The following CSMD1 variants were observed in gnomAD, a reference collection of about 807,000 sequenced individuals.
CSMD1 encodes the protein CUB and sushi domain-containing protein 1.
Under a neutral mutation model 417.5 loss-of-function variants are expected in CSMD1, and 213 were observed. The ratio of observed to expected loss-of-function variants is 0.51; its 90% CI spans 0.46 to 0.57. The LOEUF is 0.57. Among genes scored for constraint, CSMD1 ranks in the 20% least tolerant of loss-of-function variants. The probability of loss-of-function intolerance (pLI) is 0.00; values close to 1 mark genes in which losing one functional copy is unlikely to be tolerated. For missense variants in CSMD1, 6,923 were observed against 4,529.7 expected, an observed-to-expected ratio of 1.53 and a Z score of -15.17; for synonymous variants, 2,862 against 1,736.8, an observed-to-expected ratio of 1.65 and a Z score of -16.11.
chr8:3,582,776 G>A (rs938943288), intron 9 of CSMD1, among the ~76,000 whole-genome samples: 1 of 151,962 alleles, frequency 6.6e-6, no homozygotes, highest in Non-Finnish European at 1.5e-5. Flanking sequence ...GGAGTATTTG[G>A]GTTAAATAAA....
At position 4,881,423 on chromosome 8, in the gene CSMD1, C is replaced by A. The variant is rs1009284767; in HGVS notation, c.85+112909G>T. ...ATACCTAGTATACATATCTATCTAT[C>A]TATCTATCTATCTATCTATCTATCT... On this transcript the variant is annotated intron_variant, in intron 1 of 69. Transcript: ENST00000635120. Among the ~76,000 whole-genome samples the A allele has an allele frequency of 1.1e-4, 5 of 44,340 alleles. No individual in the cohort carries two copies. In the Admixed American group the frequency reaches 1.6e-3, roughly 15 times the overall value. 29.1% of individuals were successfully genotyped at this position (44,340 alleles called of 152,430 possible).
intron 7 of CSMD1, among the ~76,000 whole-genome samples, chr8:3,706,116 C>T (rs1460603452): frequency 6.6e-6 from 1 of 152,242 alleles, no homozygotes; most frequent in Non-Finnish European, 1.5e-5. Context: ...ACCGTTCGCC[C>T]CGTGTGGTTC....
chr8:2,986,343 T>C (rs1212619678), intron 54 of CSMD1, among the ~76,000 whole-genome samples: 1 of 152,118 alleles, frequency 6.6e-6, no homozygotes. Context: ...AGAAAACTGC[T>C]GTTCTCCCAG....
intron 12 of CSMD1, among the ~76,000 whole-genome samples, chr8:3,462,732 C>T (rs1032826515): frequency 2.0e-5 from 3 of 152,202 alleles, no homozygotes; most frequent in African/African-American, 7.2e-5. Flanking sequence ...ATCATCACCT[C>T]TCCCAGTCCA....
At chr8:3,229,520 T>C (rs1798705299) in intron 27 of CSMD1, among the ~76,000 whole-genome samples, 1 of 152,204 alleles carries the variant, frequency 6.6e-6, no homozygotes, top group Non-Finnish European at 1.5e-5. Context: ...AAGGTCAAAC[T>C]ATAAAATGTC....
At chr8:4,463,910 G>C (rs763983465) in intron 2 of CSMD1, among the ~76,000 whole-genome samples, 5 of 152,088 alleles carry the variant, frequency 3.3e-5, no homozygotes, top group Non-Finnish European at 5.9e-5. Context: ...TTTCAATATA[G>C]CTCTGATTAA....
chr8:3,865,467 A>T (rs556606721), intron 5 of CSMD1, among the ~76,000 whole-genome samples: 91 of 151,996 alleles, frequency 6.0e-4, no homozygotes, highest in African/African-American at 2.0e-3. Flanking sequence ...TGCTCTTCAG[A>T]GATGGGAGGT....
chr8:4,214,576 G>C (rs576780179), intron 3 of CSMD1, among the ~76,000 whole-genome samples: 1 of 152,266 alleles, frequency 6.6e-6, no homozygotes, highest in Non-Finnish European at 1.5e-5. Flanking sequence ...GGAATTACAG[G>C]CATGAGCCAC....
chr8:3,718,339 G>C (rs1407515303), intron 6 of CSMD1, among the ~76,000 whole-genome samples: 1 of 151,934 alleles, frequency 6.6e-6, no homozygotes, highest in Non-Finnish European at 1.5e-5. Flanking sequence ...AGGGACTTTT[G>C]AGAAAAACTG....
intron 2 of CSMD1, among the ~76,000 whole-genome samples, chr8:4,582,188 T>A (rs558489933): frequency 3.9e-5 from 6 of 152,200 alleles, no homozygotes; most frequent in Non-Finnish European, 7.4e-5. Context: ...GACATGAGGT[T>A]TGTCATATAT....
chr8:4,071,327 G>A (rs1041941120), intron 3 of CSMD1, among the ~76,000 whole-genome samples: 1 of 151,636 alleles, frequency 6.6e-6, no homozygotes, highest in African/African-American at 2.4e-5. Flanking sequence ...ATTTCCATTG[G>A]ACTAACATCA....
At chr8:3,785,328 C>T (rs1584994344) in intron 5 of CSMD1, among the ~76,000 whole-genome samples, 1 of 151,938 alleles carries the variant, frequency 6.6e-6, no homozygotes, top group African/African-American at 2.4e-5. Flanking sequence ...AAAATAAATG[C>T]CCCGGGCAAG....
intron 1 of CSMD1, among the ~76,000 whole-genome samples, chr8:4,908,044 C>T (rs1356935611): frequency 1.3e-5 from 2 of 152,142 alleles, no homozygotes; most frequent in Non-Finnish European, 2.9e-5. Context: ...GTGGAATGTA[C>T]AATAGTTTTC....
chr8:3,344,924 G>T (rs1393554497), intron 22 of CSMD1, among the ~76,000 whole-genome samples: 1 of 152,316 alleles, frequency 6.6e-6, no homozygotes, highest in East Asian at 1.9e-4. Context: ...CCAGGTCATT[G>T]TGTAAAAACC....
intron 5 of CSMD1, among the ~76,000 whole-genome samples, chr8:3,759,627 C>T (rs112024674): frequency 6.6e-6 from 1 of 151,734 alleles, no homozygotes. Context: ...GGCACAGTGG[C>T]TCACACCTGT....
intron 1 of CSMD1, among the ~76,000 whole-genome samples, chr8:4,884,159 T>G (rs982153760): frequency 2.0e-5 from 3 of 152,086 alleles, no homozygotes; most frequent in Admixed American, 6.5e-5. Flanking sequence ...TTTTGCTTCT[T>G]TTAAAAAATT....
intron 1 of CSMD1, among the ~76,000 whole-genome samples, chr8:4,818,464 T>C (rs1472574461): frequency 6.6e-6 from 1 of 152,174 alleles, no homozygotes; most frequent in Non-Finnish European, 1.5e-5. Context: ...AAACTTAAAT[T>C]CAACCTCAGC....
chr8:4,214,085 G>A (rs148645099), intron 3 of CSMD1, among the ~76,000 whole-genome samples: 1 of 152,242 alleles, frequency 6.6e-6, no homozygotes, highest in Non-Finnish European at 1.5e-5. Context: ...GAATTATCCA[G>A]CATCTTACTC....
chr8:3,337,133 A>C (rs1343123087), intron 23 of CSMD1, among the ~76,000 whole-genome samples: 6 of 152,078 alleles, frequency 3.9e-5, no homozygotes, highest in South Asian at 2.1e-4. Flanking sequence ...GACAAGAAGA[A>C]GACTGAAAAG....
Sources: gnomAD v4.1 joint callset for allele counts (sites outside exome capture counted in the v4.1 genomes callset) on GRCh38, gnomAD v4.1.1 for gene constraint, MANE v1.5 for transcripts, NCBI Gene and HGNC (gene_info 2026-07-23, HGNC 2026-07-21) for gene names.